Variants in FLT3 observed in about 807,000 individuals in gnomAD.
The protein encoded by FLT3 is receptor-type tyrosine-protein kinase FLT3.
A neutral mutation model predicts 126.6 loss-of-function variants in FLT3; 46 were observed. That is an observed-to-expected ratio of 0.36 (90% CI 0.29 to 0.46). FLT3 has a LOEUF of 0.46. FLT3 is among the 20% of genes least tolerant of loss of function. The pLI is 1.00. For synonymous variants in FLT3, 404 were observed against 434.4 expected (o/e 0.93, Z 0.87); for missense variants, 1,069 against 1,190.3 (o/e 0.90, Z 1.50).
chr13:28,060,745 C>T (rs1423542180), intron 3 of FLT3, among the ~76,000 whole-genome samples: 1 of 152,004 alleles, frequency 6.6e-6, no homozygotes, highest in Non-Finnish European at 1.5e-5. Context: ...GCTGTGATTA[C>T]AGGCCCGCAC....
Position 28,018,601 on chromosome 13 carries a change from G to A in FLT3, c.2419-12C>T, listed in dbSNP as rs770823638. The A allele has an allele frequency of 1.2e-6, 2 of 1,613,540 alleles. No individual in the cohort carries two copies. Among genetic ancestry groups the A allele is most frequent in the Admixed American group, 1.7e-5 (1 of 59,984 alleles). ...TCTCTGTGAACACACTGTCAAGAAT[G>A]ACACCAGAGTGTTATTTACTGTGAT... On this transcript the variant is annotated splice_polypyrimidine_tract_variant and intron_variant, in intron 19 of 23. Transcript: ENST00000241453.
At chr13:28,039,368 A>AT (rs1194980911) in intron 9 of FLT3, among the ~76,000 whole-genome samples, 2 of 151,336 alleles carry the variant, frequency 1.3e-5, no homozygotes, top group Non-Finnish European at 2.9e-5. Context: ...CGCCCGGCTA[A>AT]TTTTTTGTAT....
intron 23 of FLT3, 40 bp downstream of exon 23, chr13:28,014,412 T>A: frequency 7.2e-7 from 1 of 1,383,282 alleles, no homozygotes; most frequent in Non-Finnish European, 1.0e-6. Context: ...ATTTACCAAT[T>A]TCCTTTGTAA....
At chr13:28,031,487 C>T (rs928746857) in intron 15 of FLT3, among the ~76,000 whole-genome samples, 1 of 152,046 alleles carries the variant, frequency 6.6e-6, no homozygotes, top group African/African-American at 2.4e-5. Context: ...TCATGAGGCA[C>T]AGGGGCTACT....
chr13:28,065,913 G>A (rs1014046895), intron 2 of FLT3, among the ~76,000 whole-genome samples: 1 of 151,998 alleles, frequency 6.6e-6, no homozygotes. Flanking sequence ...GAGGCAGGCA[G>A]ATTGCTTGAG....
intron 23 of FLT3, among the ~76,000 whole-genome samples, chr13:28,014,170 G>A (rs1332802220): frequency 6.6e-6 from 1 of 152,098 alleles, no homozygotes; most frequent in Non-Finnish European, 1.5e-5. Context: ...TACTTGGAAG[G>A]CCGTGGCTGG....
chr13:28,039,374 T>A (rs1483482552), intron 9 of FLT3, among the ~76,000 whole-genome samples: 1 of 151,162 alleles, frequency 6.6e-6, no homozygotes, highest in Non-Finnish European at 1.5e-5. Flanking sequence ...GCTAATTTTT[T>A]GTATTTTTAG....
intron 23 of FLT3, among the ~76,000 whole-genome samples, chr13:28,010,103 T>C (rs1235589175): frequency 6.6e-6 from 1 of 152,198 alleles, no homozygotes; most frequent in Non-Finnish European, 1.5e-5. Context: ...CTTCCTTTTA[T>C]GCTCTCTTTT....
At chr13:28,015,809 A>AGGCATTAAGAG in intron 20 of FLT3, 108 bp from the exon 21 acceptor site, 1 of 686,214 alleles carries the variant, frequency 1.5e-6, no homozygotes, top group Non-Finnish European at 2.6e-6. Flanking sequence ...ACCACTCTTA[A>AGGCATTAAGAG]TGCCTTATTG....
intron 1 of FLT3, among the ~76,000 whole-genome samples, chr13:28,094,498 CTTTCTTT>C (rs1879326515): frequency 6.6e-6 from 1 of 151,736 alleles, no homozygotes; most frequent in Non-Finnish European, 1.5e-5. Context: ...TATTTTTTTC[CTTTCTTT>C]TTTCTTTTTT....
chr13:28,085,922 G>A (rs1878646402), intron 1 of FLT3, among the ~76,000 whole-genome samples: 1 of 152,016 alleles, frequency 6.6e-6, no homozygotes, highest in South Asian at 2.1e-4. Context: ...AGACCAGTCT[G>A]GGTAACATGA....
chr13:28,090,688 G>A (rs1878976911), intron 1 of FLT3, among the ~76,000 whole-genome samples: 1 of 152,096 alleles, frequency 6.6e-6, no homozygotes, highest in Admixed American at 6.6e-5. Flanking sequence ...TGAGGTGGGA[G>A]GATCACTGAA....
At chr13:28,013,848 C>G (rs1459473281) in intron 23 of FLT3, among the ~76,000 whole-genome samples, 4 of 152,108 alleles carry the variant, frequency 2.6e-5, no homozygotes, top group Non-Finnish European at 5.9e-5. Flanking sequence ...TTCTGGAGGC[C>G]AGGGATTATT....
chr13:28,022,853 C>T (rs925994183), intron 19 of FLT3, among the ~76,000 whole-genome samples: 3 of 152,168 alleles, frequency 2.0e-5, no homozygotes, highest in Non-Finnish European at 4.4e-5. Flanking sequence ...GCCTTACCAA[C>T]GAATGGATCT....
intron 9 of FLT3, among the ~76,000 whole-genome samples, chr13:28,039,548 C>CTTTTTTT (rs10564719): frequency 8.3e-6 from 1 of 120,684 alleles, no homozygotes; most frequent in African/African-American, 3.1e-5. Context: ...TGCAATAAAA[C>CTTTTTTT]TTTTTTTTTT....
intron 19 of FLT3, among the ~76,000 whole-genome samples, chr13:28,022,490 C>A (rs1309761273): frequency 6.6e-6 from 1 of 151,998 alleles, no homozygotes; most frequent in Non-Finnish European, 1.5e-5. Context: ...CCAGCCTGGG[C>A]AACAGAGCGA....
chr13:28,062,793 G>A (rs1231082785), intron 2 of FLT3, among the ~76,000 whole-genome samples: 20 of 137,562 alleles, frequency 1.5e-4, no homozygotes, highest in Non-Finnish European at 1.6e-5. Context: ...CAGACAGTAA[G>A]AACACCATGT....
rs557334340 is a variant in FLT3 at position 28,064,473 on chromosome 13, T to C, written c.166-2404A>G. Reference sequence around the variant, plus strand: ...CTGTAATCCCAGCTACTTGGGAGGCTGAGGCAGAGAACTGCTTGAACCTGG... The same window carrying C: ...CTGTAATCCCAGCTACTTGGGAGGCCGAGGCAGAGAACTGCTTGAACCTGG... On this transcript the variant is annotated intron_variant, in intron 2 of 23. Transcript: ENST00000241453. Among the ~76,000 whole-genome samples, 9 of 152,084 alleles carry C rather than the reference T, an allele frequency of 5.9e-5. No individual in the cohort carries two copies. The South Asian group carries it at 1.9e-3, about 32-fold the overall frequency.
Position 28,037,199 on chromosome 13 carries a change from G to T in FLT3, c.1295C>A (p.Thr432Lys). 6.3e-7 allele frequency: 1 copy of T among 1,577,848 alleles called. No individual in the cohort carries two copies. Among genetic ancestry groups the T allele is most frequent in the East Asian group, 2.2e-5 (1 of 44,710 alleles). ...ATTTAACTTACTTCTTATATTCAGCGTGAACATTTTGGTAAATTGGGCATC... is the reference window on the plus strand; with the variant it reads ...ATTTAACTTACTTCTTATATTCAGCTTGAACATTTTGGTAAATTGGGCATC... ...NDDAQFTKMF[T>K]LNIRRKPQVL... The change falls in exon 10 of 24, where the codon ACG becomes AAG. Residue 432 changes from threonine to lysine, a missense_variant. Coordinates refer to ENST00000241453, the MANE Select transcript of FLT3 (RefSeq NM_004119.3).
Sources: allele counts gnomAD v4.1 joint callset (sites outside exome capture counted in the v4.1 genomes callset), GRCh38; gene constraint gnomAD v4.1.1; transcripts MANE v1.5; gene names NCBI Gene and HGNC (gene_info 2026-07-23, HGNC 2026-07-21).